Variants in CRYBG1 observed in about 807,000 individuals in gnomAD.
The protein encoded by CRYBG1 is beta/gamma crystallin domain-containing protein 1.
Under a neutral mutation model 189.2 loss-of-function variants are expected in CRYBG1, and 139 were observed. That is an observed-to-expected ratio of 0.73 (90% CI 0.64 to 0.85). The LOEUF is 0.85. Ranked by LOEUF, CRYBG1 falls within the 40% of genes least tolerant of loss-of-function variation. The pLI is 0.00. For synonymous variants in CRYBG1, 1,023 were observed against 1,017.1 expected (o/e 1.01, Z -0.11); for missense variants, 2,611 against 2,675.8 (o/e 0.98, Z 0.53).
At chr6:106,517,413 TATATACAC>T (rs1215678279) in intron 3 of CRYBG1, among the ~76,000 whole-genome samples, 18 of 119,906 alleles carry the variant, frequency 1.5e-4, no homozygotes, top group African/African-American at 6.1e-4. Context: ...CACACACACA[TATATACAC>T]ATATATATAC....
chr6:106,375,877 A>G (rs992366450), intron 1 of CRYBG1, among the ~76,000 whole-genome samples: 2 of 152,206 alleles, frequency 1.3e-5, no homozygotes, highest in African/African-American at 4.8e-5. Context: ...GTTTTTTCCT[A>G]TATACATGTA....
chr6:106,481,772 C>T (rs894500264), intron 2 of CRYBG1, among the ~76,000 whole-genome samples: 1 of 152,166 alleles, frequency 6.6e-6, no homozygotes, highest in African/African-American at 2.4e-5. Context: ...GCCGGCCTAT[C>T]CCTCAGGCCC....
At chr6:106,449,634 A>G (rs555486996) in intron 1 of CRYBG1, 1 of 152,348 alleles carries the variant, frequency 6.6e-6, no homozygotes, top group South Asian at 2.1e-4. Flanking sequence ...CATTCATGGT[A>G]AGACGATGAC....
intron 2 of CRYBG1, among the ~76,000 whole-genome samples, chr6:106,506,394 A>AT (rs981684905): frequency 1.6e-5 from 2 of 123,104 alleles, no homozygotes; most frequent in African/African-American, 6.2e-5. Flanking sequence ...TTATTTATTT[A>AT]TTTTTTATAA....
chr6:106,428,090 T>A lies in CRYBG1; in HGVS notation c.174-23604T>A, dbSNP rs540079131. On this transcript the variant is annotated intron_variant, in intron 1 of 21. Coordinates refer to ENST00000633556, the MANE Select transcript of CRYBG1 (RefSeq NM_001371242.2). ...CTTTATCGCCTGAAGCCACTTCATT[T>A]TTCTTTGTAGAACTTATCAATACCT... 2.0e-5 allele frequency among the ~76,000 whole-genome samples: 3 copies of A among 152,368 alleles called. No homozygotes were observed. In the South Asian group the frequency reaches 6.2e-4, roughly 32 times the overall value.
chr6:106,428,446 T>A (rs1771267161), intron 1 of CRYBG1, among the ~76,000 whole-genome samples: 1 of 152,176 alleles, frequency 6.6e-6, no homozygotes, highest in East Asian at 1.9e-4. Context: ...TTTGGAACGT[T>A]GAAGGCAGTA....
At chr6:106,489,986 A>G (rs1476553919) in intron 2 of CRYBG1, among the ~76,000 whole-genome samples, 1 of 152,204 alleles carries the variant, frequency 6.6e-6, no homozygotes, top group African/African-American at 2.4e-5. Flanking sequence ...AAATGTGCAT[A>G]GGTGAAGAAA....
chr6:106,545,212 T>G (rs1408694808), intron 13 of CRYBG1, among the ~76,000 whole-genome samples: 1 of 152,224 alleles, frequency 6.6e-6, no homozygotes, highest in Non-Finnish European at 1.5e-5. Context: ...AGAAAGATAG[T>G]GAATTTTTTA....
chr6:106,555,256 T>C lies in CRYBG1; in HGVS notation c.5586-512T>C, dbSNP rs561636662. 5.3e-5 allele frequency among the ~76,000 whole-genome samples: 8 copies of C among 149,618 alleles called. No individual in the cohort carries two copies. The South Asian group carries it at 1.3e-3, about 24-fold the overall frequency. On this transcript the variant is annotated intron_variant, in intron 16 of 21. Coordinates refer to ENST00000633556, the MANE Select transcript of CRYBG1 (RefSeq NM_001371242.2). ...TGGCAAATCACCATTTTATGAATAA[T>C]GTTGATACCAGAGAGGCTAAGTGAC... is the stretch of plus-strand genomic sequence containing the variant.
intron 2 of CRYBG1, among the ~76,000 whole-genome samples, chr6:106,463,049 G>C (rs962845761): frequency 1.1e-4 from 16 of 152,316 alleles, no homozygotes; most frequent in Admixed American, 3.9e-4. Flanking sequence ...AGCTATTTGG[G>C]AGGCTCAGGT....
At chr6:106,373,681 A>G (rs1249784400) in intron 1 of CRYBG1, among the ~76,000 whole-genome samples, 1 of 152,232 alleles carries the variant, frequency 6.6e-6, no homozygotes, top group Non-Finnish European at 1.5e-5. Context: ...CTATGTCAGT[A>G]GGTCACAGAA....
In CRYBG1 at chr6:106,423,694, C is replaced by CTTTTTTTTTTTTTTTTTTTTTTTTTT. The variant is rs1350862841; in HGVS notation, c.174-28000_174-27999insTTTTTTTTTTTTTTTTTTTTTTTTTT. Among the ~76,000 whole-genome samples the CTTTTTTTTTTTTTTTTTTTTTTTTTT allele has an allele frequency of 4.0e-5, 4 of 101,246 alleles. 2 individuals carry two copies. The highest frequency in any genetic ancestry group is 1.7e-4 in the African/African-American group (4 of 23,608). 66.4% of individuals were successfully genotyped at this position (101,246 alleles called of 152,430 possible). A position where few individuals can be genotyped will look rare whatever the true frequency, so the allele number is the denominator to read the frequency against. The stretch of plus-strand genomic sequence containing the variant: ...CCCTCCAGTCCTCAGTTCTCCCTCC[C>CTTTTTTTTTTTTTTTTTTTTTTTTTT]CTTTTTTTTTTTTTTTTTTTTTTTT... On this transcript the variant is annotated intron_variant, in intron 1 of 21. Coordinates refer to ENST00000633556, the MANE Select transcript of CRYBG1 (RefSeq NM_001371242.2).
At chr6:106,388,114 C>T (rs899840626) in intron 1 of CRYBG1, among the ~76,000 whole-genome samples, 8 of 152,138 alleles carry the variant, frequency 5.3e-5, no homozygotes, top group African/African-American at 1.9e-4. Context: ...CTAGTTATGC[C>T]ACCTCACCAT....
Position 106,561,410 on chromosome 6 carries a change from G to A in CRYBG1, c.6048G>A (p.Glu2016=), listed in dbSNP as rs993806157. ...GLFMSTNGNL[E]DLKLLRIQVM... ...TCATGTCAACCAATGGAAACTTAGA[G>A]GATCTGAAGCTTCTGAGGATACAGG... The change falls in exon 20 of 22, where the codon GAG becomes GAA. Residue 2016 remains glutamate, a synonymous_variant. Transcript: ENST00000633556. The A allele has an allele frequency of 1.9e-6, 3 of 1,614,034 alleles. No individual in the cohort carries two copies. Among genetic ancestry groups the A allele is most frequent in the African/African-American group, 1.3e-5 (1 of 74,920 alleles).
intron 1 of CRYBG1, among the ~76,000 whole-genome samples, chr6:106,407,315 C>A (rs982408985): frequency 3.9e-5 from 6 of 152,160 alleles, no homozygotes; most frequent in Non-Finnish European, 8.8e-5. Flanking sequence ...GTAAAGAGAT[C>A]AATGCAATAA....
rs766161453 is a variant in CRYBG1, at chr6:106,561,346, G to A, written c.5984G>A (p.Arg1995Gln). ...GCTGGGGGTTTTGTCTTCTAGAAGC[G>A]AATTTATTTCAGACTTCGAAACAAA... ...IGSLRPFVQKRIYFRLRNKAT... is the reference protein window; with the variant it reads ...IGSLRPFVQKQIYFRLRNKAT... The change falls in exon 20 of 22, where the codon CGA (arginine) becomes CAA (glutamine). Residue 1995 changes from arginine (R) to glutamine (Q), a missense_variant. Physicochemically the swap from Arg to Gln is conservative, Grantham distance 43. Transcript: ENST00000633556. The A allele has an allele frequency of 6.2e-6, 10 of 1,613,686 alleles. No homozygotes were observed. The South Asian group carries it at 6.6e-5, about 11-fold the overall frequency.
At chr6:106,516,909 C>T (rs1773436147) in intron 3 of CRYBG1, among the ~76,000 whole-genome samples, 1 of 151,924 alleles carries the variant, frequency 6.6e-6, no homozygotes, top group Admixed American at 6.6e-5. Context: ...ATTAAGTAAG[C>T]CCGATGAAGC....
intron 1 of CRYBG1, among the ~76,000 whole-genome samples, chr6:106,434,778 C>T (rs998007658): frequency 1.3e-5 from 2 of 152,210 alleles, no homozygotes; most frequent in African/African-American, 4.8e-5. Context: ...CCAGAGTTGG[C>T]CTGCAGGCCT....
At chr6:106,440,572 CT>C (rs893658097) in intron 1 of CRYBG1, among the ~76,000 whole-genome samples, 1 of 152,106 alleles carries the variant, frequency 6.6e-6, no homozygotes, top group African/African-American at 2.4e-5. Context: ...CGGCCCCTTT[CT>C]TTTTTTCTTT....
Sources: allele counts gnomAD v4.1 joint callset (sites outside exome capture counted in the v4.1 genomes callset), GRCh38; gene constraint gnomAD v4.1.1; transcripts MANE v1.5; gene names NCBI Gene and HGNC (gene_info 2026-07-23, HGNC 2026-07-21).